KHDRBS3: variants seen among roughly 807,000 people sequenced by gnomAD.
KHDRBS3 encodes the protein KH RNA binding domain containing, signal transduction associated 3.
A neutral mutation model predicts 45.6 loss-of-function variants in KHDRBS3; 23 were observed. The ratio of observed to expected loss-of-function variants is 0.50; its 90% CI spans 0.36 to 0.72. KHDRBS3 has a LOEUF of 0.72. KHDRBS3 is among the 30% of genes least tolerant of loss of function. KHDRBS3 has a pLI of 0.00. For missense variants in KHDRBS3, 352 were observed against 424.8 expected, an observed-to-expected ratio of 0.83 and a Z score of 1.51; for synonymous variants, 162 against 156.5, an observed-to-expected ratio of 1.04 and a Z score of -0.26.
chr8:135,481,715 C>G (rs1228999352), intron 1 of KHDRBS3, among the ~76,000 whole-genome samples: 1 of 152,186 alleles, frequency 6.6e-6, no homozygotes, highest in Non-Finnish European at 1.5e-5. Flanking sequence ...CTAACGTTGT[C>G]AAATTGATTT....
At position 135,457,487 on chromosome 8, in the gene KHDRBS3, T is replaced by G. The variant is rs1303946536; in HGVS notation, c.-380T>G. 2 of 146,948 alleles carry G rather than the reference T, an allele frequency of 1.4e-5. No homozygotes were observed. Among genetic ancestry groups the G allele is most frequent in the Non-Finnish European group, 3.0e-5 (2 of 66,362 alleles). 9.1% of individuals were successfully genotyped at this position (146,948 alleles called of 1,614,324 possible). ...CGCGGGGCGGCGCGCGGCGTGCAGG[T>G]CGCAGCTGTGGCTCGGGTGCTGGCA... On this transcript the variant is annotated 5_prime_UTR_variant, in exon 1 of 9. Coordinates refer to ENST00000355849, the MANE Select transcript of KHDRBS3 (RefSeq NM_006558.3). The surrounding 1 kb of genome is among the most constrained non-coding windows in gnomAD (Gnocchi z 4.4).
intron 5 of KHDRBS3, among the ~76,000 whole-genome samples, chr8:135,559,148 A>G (rs140239371): frequency 5.7e-4 from 87 of 151,436 alleles, no homozygotes; most frequent in Middle Eastern, 3.4e-3. Context: ...AAGGTAATGT[A>G]ACTAGATAAG....
Position 135,521,363 on chromosome 8 carries a change from A to AGT in KHDRBS3, c.207+10_207+11dup. 1 of 1,458,928 alleles carries AGT rather than the reference A, an allele frequency of 6.9e-7. No homozygotes were observed. 90.4% of individuals were successfully genotyped at this position (1,458,928 alleles called of 1,614,324 possible). On this transcript the variant is annotated intron_variant, in intron 2 of 8. Coordinates refer to ENST00000355849, the MANE Select transcript of KHDRBS3 (RefSeq NM_006558.3). ...GTAAAACAGTTCCCTAAGGTAAGAC[A>AGT]GTGAGGTCTACACTGCAGGTATTTT... is the stretch of plus-strand genomic sequence containing the variant.
chr8:135,466,845 C>A (rs562615346), intron 1 of KHDRBS3, among the ~76,000 whole-genome samples: 1 of 152,242 alleles, frequency 6.6e-6, no homozygotes, highest in Non-Finnish European at 1.5e-5. Flanking sequence ...TTATTCGACA[C>A]ATATTTGTTG....
intron 7 of KHDRBS3, among the ~76,000 whole-genome samples, chr8:135,637,409 A>G (rs1014458183): frequency 2.0e-5 from 3 of 152,064 alleles, no homozygotes; most frequent in Non-Finnish European, 2.9e-5. Flanking sequence ...ATTATGCATG[A>G]CTCTTTACAT....
At chr8:135,640,174 A>G (rs1298545498) in intron 7 of KHDRBS3, among the ~76,000 whole-genome samples, 1 of 152,152 alleles carries the variant, frequency 6.6e-6, no homozygotes, top group Non-Finnish European at 1.5e-5. Flanking sequence ...GGGGGTATGC[A>G]GAATTTTAGG....
At chr8:135,589,089 T>G (rs538491446) in intron 6 of KHDRBS3, among the ~76,000 whole-genome samples, 1 of 152,342 alleles carries the variant, frequency 6.6e-6, no homozygotes, top group East Asian at 1.9e-4. Context: ...GATGCTATTT[T>G]TGTGCACTAT....
intron 1 of KHDRBS3, among the ~76,000 whole-genome samples, chr8:135,514,510 G>T (rs556373046): frequency 6.6e-6 from 1 of 152,200 alleles, no homozygotes; most frequent in Non-Finnish European, 1.5e-5. Flanking sequence ...CAGCTAAGCA[G>T]TCACATTTAT....
intron 7 of KHDRBS3, among the ~76,000 whole-genome samples, chr8:135,639,780 A>C (rs1034677414): frequency 6.6e-6 from 1 of 152,162 alleles, no homozygotes; most frequent in African/African-American, 2.4e-5. Flanking sequence ...CTTTTAAACA[A>C]CCACATCTTG....
At chr8:135,490,844 G>T (rs1413169942) in intron 1 of KHDRBS3, among the ~76,000 whole-genome samples, 1 of 152,176 alleles carries the variant, frequency 6.6e-6, no homozygotes, top group African/African-American at 2.4e-5. Flanking sequence ...AGTGTTCCTG[G>T]CCAAATGAAC....
chr8:135,469,853 G>A (rs1821924661), intron 1 of KHDRBS3, among the ~76,000 whole-genome samples: 1 of 152,176 alleles, frequency 6.6e-6, no homozygotes, highest in Non-Finnish European at 1.5e-5. Context: ...AATGCACAGA[G>A]ACTGCCATCA....
At chr8:135,632,741 T>C (rs1436905862) in intron 7 of KHDRBS3, among the ~76,000 whole-genome samples, 1 of 152,184 alleles carries the variant, frequency 6.6e-6, no homozygotes, top group Non-Finnish European at 1.5e-5. Context: ...AATGAAAGCC[T>C]CTCAGTGGCC....
At chr8:135,517,400 C>T (rs531334861) in intron 1 of KHDRBS3, among the ~76,000 whole-genome samples, 19 of 152,182 alleles carry the variant, frequency 1.2e-4, no homozygotes, top group African/African-American at 4.3e-4. Context: ...AAGCATCTTT[C>T]CTCCCTCGGG....
Position 135,457,794 on chromosome 8 carries a change from C to T in KHDRBS3, c.-73C>T, listed in dbSNP as rs1821184647. ...GGGTCCCCGCCGCTGGGGGCGCGGGCGGGGTCGGGGGTTGCCGGGCGCCGC... is the reference window on the plus strand; with the variant it reads ...GGGTCCCCGCCGCTGGGGGCGCGGGTGGGGTCGGGGGTTGCCGGGCGCCGC... On this transcript the variant is annotated 5_prime_UTR_variant, in exon 1 of 9. Transcript: ENST00000355849. This position sits in a 1 kb window ranked among gnomAD's most constrained non-coding sequence, Gnocchi z 4.4. 4 of 872,956 alleles carry T rather than the reference C, an allele frequency of 4.6e-6. No homozygotes were observed. The highest frequency in any genetic ancestry group is 3.4e-4 in the Middle Eastern group (1 of 2,934). 54.1% of individuals were successfully genotyped at this position (872,956 alleles called of 1,614,324 possible).
At position 135,642,687 on chromosome 8, in the gene KHDRBS3, G is replaced by A. The variant is rs754043019; in HGVS notation, c.891-2372G>A. ...CAAATCATAACCTCCGTGTTACACCGTATTTAATTAGCTTGTAAGGATATG... is the reference window on the plus strand; with the variant it reads ...CAAATCATAACCTCCGTGTTACACCATATTTAATTAGCTTGTAAGGATATG... On this transcript the variant is annotated intron_variant, in intron 7 of 8. Coordinates refer to ENST00000355849, the MANE Select transcript of KHDRBS3 (RefSeq NM_006558.3). Among the ~76,000 whole-genome samples the A allele has an allele frequency of 3.9e-5, 6 of 152,158 alleles. 1 individual carries two copies. In the South Asian group the frequency reaches 6.2e-4, roughly 16 times the overall value.
At chr8:135,600,688 C>T (rs916158209) in intron 6 of KHDRBS3, among the ~76,000 whole-genome samples, 6 of 152,110 alleles carry the variant, frequency 3.9e-5, no homozygotes, top group Admixed American at 6.5e-5. Context: ...CATAGGGATG[C>T]GTTATATATG....
At chr8:135,484,854 T>G (rs1822765315) in intron 1 of KHDRBS3, among the ~76,000 whole-genome samples, 1 of 152,230 alleles carries the variant, frequency 6.6e-6, no homozygotes. Context: ...TTATATATTT[T>G]AAGTTGACAA....
At chr8:135,629,418 TATTC>T (rs1407779474) in intron 7 of KHDRBS3, among the ~76,000 whole-genome samples, 6 of 152,216 alleles carry the variant, frequency 3.9e-5, no homozygotes, top group Non-Finnish European at 7.3e-5. Context: ...AAGCCAGATT[TATTC>T]ATTCATTCAT....
chr8:135,626,392 A>T (rs1225967357), intron 7 of KHDRBS3, among the ~76,000 whole-genome samples: 2 of 152,248 alleles, frequency 1.3e-5, no homozygotes, highest in Admixed American at 1.3e-4. Context: ...CTATAAAAGT[A>T]AATATGGCAT....
Sources: gnomAD v4.1 joint callset for allele counts (sites outside exome capture counted in the v4.1 genomes callset) on GRCh38, gnomAD v4.1.1 for gene constraint, Gnocchi (gnomAD v3.1) non-coding constraint, MANE v1.5 for transcripts, NCBI Gene and HGNC (gene_info 2026-07-23, HGNC 2026-07-21) for gene names.